Variants in MTUS1 observed in about 807,000 individuals in gnomAD.
MTUS1 encodes microtubule associated scaffold protein 1.
A neutral mutation model predicts 120.8 loss-of-function variants in MTUS1; 109 were observed. That is an observed-to-expected ratio of 0.90 (90% CI 0.77 to 1.06). The LOEUF (loss-of-function observed/expected upper bound fraction) is 1.06. Ranked by LOEUF, MTUS1 falls within the 50% of genes least tolerant of loss-of-function variation. The pLI, the probability that MTUS1 is intolerant of heterozygous loss-of-function variation, is 0.00. For missense variants in MTUS1, 2,210 were observed against 1,486.3 expected (o/e 1.49, Z -8.01); for synonymous variants, 737 against 550.5 (o/e 1.34, Z -4.74).
chr8:17,786,459 C>T (rs2051309297), intron 1 of MTUS1, among the ~76,000 whole-genome samples: 1 of 152,182 alleles, frequency 6.6e-6, no homozygotes, highest in South Asian at 2.1e-4. Flanking sequence ...GGAAATCCAT[C>T]CTTCAGAGGA....
intron 7 of MTUS1, among the ~76,000 whole-genome samples, chr8:17,681,821 A>G (rs1814575505): frequency 6.6e-6 from 1 of 151,542 alleles, no homozygotes; most frequent in African/African-American, 2.4e-5. Context: ...TTACGTAATT[A>G]TAAATTTCCT....
At chr8:17,770,725 T>C (rs2049961180) in intron 1 of MTUS1, 1 of 152,226 alleles carries the variant, frequency 6.6e-6, no homozygotes, top group African/African-American at 2.4e-5. Flanking sequence ...CCTTGGACTC[T>C]CTGCCAATGA....
chr8:17,757,005 A>C (rs1029191484), intron 1 of MTUS1, among the ~76,000 whole-genome samples: 2 of 152,226 alleles, frequency 1.3e-5, no homozygotes, highest in Non-Finnish European at 2.9e-5. Context: ...AAGAAGACTT[A>C]AGTACCACAT....
chr8:17,684,371 T>C lies in MTUS1; in HGVS notation c.2795A>G (p.Lys932Arg). ...LKQLLACGNT[K>R]FEALTVVIQH... ...AATCACAACTGTCAATGCCTCAAAC[T>C]TGGTATTACCACAGGCAAGAAGCTG... The change falls in exon 7 of 15, where the codon AAG becomes AGG. Residue 932 changes from lysine (K) to arginine (R), a missense_variant. Coordinates refer to ENST00000693296, the MANE Select transcript of MTUS1 (RefSeq NM_001363059.2). 1.9e-6 allele frequency: 3 copies of C among 1,614,208 alleles called. No homozygotes were observed. The highest frequency in any genetic ancestry group is 2.5e-6 in the Non-Finnish European group (3 of 1,180,028).
At chr8:17,678,748 C>CAA (rs35213322) in intron 7 of MTUS1, among the ~76,000 whole-genome samples, 75,773 of 132,656 alleles carry the variant, frequency 0.57, 21,392 homozygotes, top group Middle Eastern at 0.68. Flanking sequence ...ATTCCACTTG[C>CAA]AAAAAAAAAA....
chr8:17,695,977 C>T (rs960589939), intron 6 of MTUS1, among the ~76,000 whole-genome samples: 2 of 151,964 alleles, frequency 1.3e-5, no homozygotes, highest in Admixed American at 6.6e-5. Flanking sequence ...TAACTTGGAG[C>T]GTGGATTACA....
chr8:17,717,556 T>C (rs958635785), intron 4 of MTUS1, among the ~76,000 whole-genome samples: 17 of 152,358 alleles, frequency 1.1e-4, no homozygotes, highest in African/African-American at 3.6e-4. Flanking sequence ...CACTTATTCA[T>C]ATTTTAAAAA....
At chr8:17,712,235 T>G (rs1821448421) in intron 6 of MTUS1, among the ~76,000 whole-genome samples, 1 of 152,186 alleles carries the variant, frequency 6.6e-6, no homozygotes, top group South Asian at 2.1e-4. Context: ...TCTTCTAATC[T>G]GCCATGGATT....
chr8:17,781,502 G>C (rs954244999), intron 1 of MTUS1, among the ~76,000 whole-genome samples: 5 of 152,204 alleles, frequency 3.3e-5, no homozygotes, highest in Non-Finnish European at 7.3e-5. Flanking sequence ...GAATGACAGT[G>C]ATTAATATTA....
intron 2 of MTUS1, among the ~76,000 whole-genome samples, chr8:17,749,628 A>C (rs2048029881): frequency 6.8e-6 from 1 of 146,188 alleles, no homozygotes; most frequent in African/African-American, 2.6e-5. Flanking sequence ...ACACCACTGC[A>C]CCCCCAGCCT....
chr8:17,713,218 A>G lies in MTUS1; in HGVS notation c.2619T>C (p.Asn873=), dbSNP rs547129212. 1.9e-6 allele frequency: 3 copies of G among 1,598,562 alleles called. No homozygotes were observed. Among genetic ancestry groups the G allele is most frequent in the Non-Finnish European group, 2.6e-6 (3 of 1,168,020 alleles). ...PSRKNLFTAL[N]AVEKSRQKNP... ...ATCCATAAAGTGGTCACTCACCTGC[A>G]TTAAGAGCTGTAAATAAATTTTTTC... is the stretch of plus-strand genomic sequence containing the variant. The change falls in exon 6 of 15, where the codon AAT becomes AAC. Residue 873 remains asparagine (N), a synonymous_variant. Transcript: ENST00000693296.
chr8:17,702,714 T>C (rs1397709786), intron 6 of MTUS1, among the ~76,000 whole-genome samples: 1 of 152,190 alleles, frequency 6.6e-6, no homozygotes, highest in Non-Finnish European at 1.5e-5. Context: ...TTTCTTCTTT[T>C]TAAAGGCTGC....
chr8:17,659,463 G>A (rs117503403), intron 8 of MTUS1, among the ~76,000 whole-genome samples: 4,046 of 152,196 alleles, frequency 0.027, 143 homozygotes, highest in South Asian at 0.13. Flanking sequence ...TTGGAAGGCC[G>A]AAGCGTGCAG....
chr8:17,721,640 T>C, intron 4 of MTUS1: 1 of 1,478,350 alleles, frequency 6.8e-7, no homozygotes, highest in Non-Finnish European at 9.0e-7. Flanking sequence ...AGTCAAGAGA[T>C]CCTAAATCAA....
At position 17,684,332 on chromosome 8, in the gene MTUS1, G is replaced by A. The variant is rs1295623084; in HGVS notation, c.2834C>T (p.Ser945Phe). The change falls in exon 7 of 15, where the codon TCT (serine) becomes TTT (phenylalanine). Residue 945 changes from serine (S) to phenylalanine (F), a missense_variant. Transcript: ENST00000693296. ...TTCTAGGATGCACCTCCTTACCTCA[G>A]ACAGCAGGTGCTGAATCACAACTGT... ...ALTVVIQHLL[S>F]EREEALKQHK... 3 of 1,613,514 alleles carry A rather than the reference G, an allele frequency of 1.9e-6. No individual in the cohort carries two copies. Among genetic ancestry groups the A allele is most frequent in the East Asian group, 4.5e-5 (2 of 44,888 alleles).
chr8:17,724,525 CCA>C (rs59791814), intron 3 of MTUS1, among the ~76,000 whole-genome samples: 28 of 151,988 alleles, frequency 1.8e-4, no homozygotes, highest in Non-Finnish European at 1.0e-4. Context: ...TCTTTACTCC[CCA>C]CACAGTTTAT....
chr8:17,741,876 C>G (rs942703870), intron 3 of MTUS1, among the ~76,000 whole-genome samples: 4 of 152,136 alleles, frequency 2.6e-5, no homozygotes, highest in African/African-American at 7.2e-5. Flanking sequence ...CTTACACTTT[C>G]AAGATGTGAA....
chr8:17,735,477 G>C (rs997971283), intron 3 of MTUS1, among the ~76,000 whole-genome samples: 6 of 152,176 alleles, frequency 3.9e-5, no homozygotes, highest in African/African-American at 1.2e-4. Context: ...CCTCCCTCGA[G>C]GCAGAGGCTC....
intron 12 of MTUS1, among the ~76,000 whole-genome samples, chr8:17,651,287 T>G (rs1448167931): frequency 6.6e-6 from 1 of 152,050 alleles, no homozygotes; most frequent in East Asian, 1.9e-4. Context: ...AAGAACATAG[T>G]AGGGTGACTA....
Sources: gnomAD v4.1 joint callset for allele counts (sites outside exome capture counted in the v4.1 genomes callset) on GRCh38, gnomAD v4.1.1 for gene constraint, MANE v1.5 for transcripts, NCBI Gene and HGNC (gene_info 2026-07-23, HGNC 2026-07-21) for gene names.